TMPRSS13: variants seen among roughly 807,000 people sequenced by gnomAD.
TMPRSS13 encodes transmembrane serine protease 13.
A neutral mutation model predicts 68.4 loss-of-function variants in TMPRSS13; 50 were observed. The ratio of observed to expected loss-of-function variants is 0.73; its 90% CI spans 0.58 to 0.93. The LOEUF (loss-of-function observed/expected upper bound fraction) is 0.93. Ranked by LOEUF, TMPRSS13 falls within the 40% of genes least tolerant of loss-of-function variation. The pLI is 0.00. For synonymous variants in TMPRSS13, 267 were observed against 285.8 expected (o/e 0.93, Z 0.66); for missense variants, 615 against 729.2 (o/e 0.84, Z 1.80).
rs1047016474 is a variant in TMPRSS13 at position 117,922,823 on chromosome 11, G to A, written c.22-3985C>T. Reference sequence around the variant, plus strand: ...CCATGCCTCTCCTCCCCACCTACCCGTGGGGTAGTCTCTGAGGTTACCCCC... The same window carrying A: ...CCATGCCTCTCCTCCCCACCTACCCATGGGGTAGTCTCTGAGGTTACCCCC... On this transcript the variant is annotated intron_variant, in intron 1 of 12. Transcript: ENST00000524993. The surrounding 1 kb of genome is among the most constrained non-coding windows in gnomAD (Gnocchi z 4.2). 2.6e-5 allele frequency among the ~76,000 whole-genome samples: 4 copies of A among 152,166 alleles called. No individual in the cohort carries two copies. The highest frequency in any genetic ancestry group is 4.4e-5 in the Non-Finnish European group (3 of 68,026).
chr11:117,905,815 C>T (rs1475543152), intron 9 of TMPRSS13, 79 bp from the exon 10 acceptor site: 3 of 1,093,974 alleles, frequency 2.7e-6, no homozygotes, highest in African/African-American at 1.6e-5. Flanking sequence ...AGCACAACCA[C>T]TCTGGGGGCA....
rs1013114416 is a variant in TMPRSS13 at position 117,907,533 on chromosome 11, CAG to C, written c.1282+1077_1282+1078del. 3.3e-5 allele frequency: 5 copies of C among 152,496 alleles called. No individual in the cohort carries two copies. The East Asian group carries it at 9.6e-4, about 29-fold the overall frequency. The allele number at this position is 152,496 out of a possible 1,614,324, so 9.4% of individuals were successfully genotyped here. ...AGAGCACGAGAATGGCTGGACTAAC[CAG>C]AGAGTCCTCCGAGGCTTCCAGAAAT... On this transcript the variant is annotated intron_variant, in intron 9 of 12. Coordinates refer to ENST00000524993, the MANE Select transcript of TMPRSS13 (RefSeq NM_001077263.3).
chr11:117,902,659 C>T (rs1455409584), intron 12 of TMPRSS13, among the ~76,000 whole-genome samples: 1 of 152,226 alleles, frequency 6.6e-6, no homozygotes, highest in Non-Finnish European at 1.5e-5. Flanking sequence ...ACTCCACTGC[C>T]AGCGGCCTGT....
In TMPRSS13 at chr11:117,918,501, T is replaced by C. The variant is rs2057602294; in HGVS notation, c.359A>G (p.Tyr120Cys). Reference protein sequence around the residue: ...ASVTTSPTRVYLVRATPVGAV... With the variant: ...ASVTTSPTRVCLVRATPVGAV... ...CCCCACTGGTGTTGCTCTAACAAGG[T>C]ACACTCTGGTTGGGGAGGTTGTCAC... The change falls in exon 2 of 13, where the codon TAC becomes TGC. Residue 120 changes from tyrosine (Y) to cysteine (C), a missense_variant. Tyr to Cys is a radical substitution (Grantham distance 194). Transcript: ENST00000524993. The C allele has an allele frequency of 6.2e-7, 1 of 1,614,046 alleles. No homozygotes were observed. Among genetic ancestry groups the C allele is most frequent in the Admixed American group, 1.7e-5 (1 of 60,006 alleles).
intron 8 of TMPRSS13, 110 bp from the exon 9 acceptor site, chr11:117,908,894 G>A (rs2057492026): frequency 8.7e-7 from 1 of 1,146,430 alleles, no homozygotes. Context: ...GAGGCAGGAG[G>A]ATGGATAAAA....
At chr11:117,919,104 G>A (rs1372119214) in intron 1 of TMPRSS13, among the ~76,000 whole-genome samples, 2 of 152,186 alleles carry the variant, frequency 1.3e-5, no homozygotes, top group African/African-American at 2.4e-5. Flanking sequence ...CCAAGTGCCC[G>A]GGGGTTGGGG....
intron 1 of TMPRSS13, among the ~76,000 whole-genome samples, chr11:117,927,124 A>C (rs1034811157): frequency 1.3e-5 from 2 of 152,178 alleles, no homozygotes; most frequent in Non-Finnish European, 2.9e-5. Context: ...AAAGGCAGCC[A>C]ACTGTTCAAA....
chr11:117,903,098 T>C, intron 12 of TMPRSS13: 1 of 1,231,404 alleles, frequency 8.1e-7, no homozygotes, highest in South Asian at 2.3e-5. Flanking sequence ...GAGGTTCTGA[T>C]GAAATATTTT....
At chr11:117,908,217 TTAA>T (rs1350440515) in intron 9 of TMPRSS13, 31 of 513,500 alleles carry the variant, frequency 6.0e-5, no homozygotes, top group Non-Finnish European at 9.1e-5. Context: ...TCAAATGAAG[TTAA>T]TAATAGTGCC....
chr11:117,917,188 C>T lies in TMPRSS13; in HGVS notation c.538G>A (p.Val180Ile), dbSNP rs1387392993. The change falls in exon 3 of 13, where the codon GTT (valine) becomes ATT (isoleucine). Residue 180 changes from valine (V) to isoleucine (I), a missense_variant. Physicochemically the swap from Val to Ile is conservative, Grantham distance 29 (BLOSUM62 3). Transcript: ENST00000524993. ...GCVLLLIALV[V>I]SLIILFQFWQ... ...AACTCACAGAGGATGATGAGCGAAA[C>T]CACCAGGGCAATGAGGAGGAGCACG... The T allele has an allele frequency of 6.2e-7, 1 of 1,612,508 alleles. No individual in the cohort carries two copies. The highest frequency in any genetic ancestry group is 1.7e-5 in the Admixed American group (1 of 60,022).
chr11:117,913,813 T>G lies in TMPRSS13; in HGVS notation c.773A>C (p.Tyr258Ser). Residue 258 changes from tyrosine to serine, a missense_variant, in exon 5 of 13, where the codon TAC becomes TCC. Tyr to Ser is a moderately radical substitution (Grantham distance 144). Coordinates refer to ENST00000524993, the MANE Select transcript of TMPRSS13 (RefSeq NM_001077263.3). The part of the protein sequence containing the change: ...PICSSNWNDS[Y>S]SEKTCQQLGF... ...CAGCTGCTGGCAGGTCTTCTCTGAG[T>G]AGGAGTCATTCCAGTTGCTGCTACA... 1 of 1,614,032 alleles carries G rather than the reference T, an allele frequency of 6.2e-7. No homozygotes were observed. The highest frequency in any genetic ancestry group is 2.2e-5 in the East Asian group (1 of 44,872).
At chr11:117,918,962 G>T in intron 1 of TMPRSS13, 124 bp from the exon 2 acceptor site, 1 of 1,322,836 alleles carries the variant, frequency 7.6e-7, no homozygotes, top group Non-Finnish European at 1.0e-6. Context: ...AAAGCCCCCC[G>T]GACAAGGAAG....
In TMPRSS13 at chr11:117,911,630, T is replaced by G. The variant is rs867935616; in HGVS notation, c.902+138A>C. On this transcript the variant is annotated intron_variant, in intron 6 of 12. Coordinates refer to ENST00000524993, the MANE Select transcript of TMPRSS13 (RefSeq NM_001077263.3). ...TGGTGAATAAGGACTATTTCCAAGA[T>G]GCCCCTGAACACTCATGGTGGACTC... The G allele has an allele frequency of 4.2e-5, 27 of 638,778 alleles. 1 individual carries two copies. The Middle Eastern group carries it at 2.4e-3, about 58-fold the overall frequency. 39.6% of individuals were successfully genotyped at this position (638,778 alleles called of 1,614,324 possible).
chr11:117,913,933 G>A (rs940500442), intron 4 of TMPRSS13, 27 bp from the exon 5 acceptor site: 3 of 1,610,418 alleles, frequency 1.9e-6, no homozygotes, highest in East Asian at 4.5e-5. Flanking sequence ...AGGCAGAGCA[G>A]GTCCTCAGCA....
chr11:117,907,126 T>C (rs898592396), intron 9 of TMPRSS13, among the ~76,000 whole-genome samples: 1 of 140,412 alleles, frequency 7.1e-6, no homozygotes, highest in East Asian at 2.3e-4. Flanking sequence ...GGGTGGAGGG[T>C]GGGTGGGAGG....
chr11:117,911,743 A>G, intron 6 of TMPRSS13, 25 bp downstream of exon 6: 1 of 1,600,624 alleles, frequency 6.2e-7, no homozygotes, highest in Non-Finnish European at 8.6e-7. Flanking sequence ...GCTCACAAAC[A>G]GGCAGCCTGC....
intron 1 of TMPRSS13, among the ~76,000 whole-genome samples, chr11:117,923,318 A>T (rs1301889761): frequency 6.6e-6 from 1 of 151,930 alleles, no homozygotes; most frequent in Non-Finnish European, 1.5e-5. Flanking sequence ...CCAGTTGCAG[A>T]CTCTGCCCCT....
chr11:117,923,054 G>C (rs1320830554), intron 1 of TMPRSS13, among the ~76,000 whole-genome samples: 1 of 152,218 alleles, frequency 6.6e-6, no homozygotes, highest in Non-Finnish European at 1.5e-5. Flanking sequence ...GGGCTAAAAG[G>C]AGCAGCCCCT....
At chr11:117,908,848 C>A in intron 8 of TMPRSS13, 64 bp from the exon 9 acceptor site, 1 of 1,471,850 alleles carries the variant, frequency 6.8e-7, no homozygotes, top group Non-Finnish European at 9.1e-7. Context: ...GCAGCCCCTG[C>A]TACCTACAGG....
Sources: allele counts gnomAD v4.1 joint callset (sites outside exome capture counted in the v4.1 genomes callset), GRCh38; gene constraint gnomAD v4.1.1; non-coding constraint Gnocchi (gnomAD v3.1); transcripts MANE v1.5; gene names NCBI Gene and HGNC (gene_info 2026-07-23, HGNC 2026-07-21).